Variants in FER1L6 observed in about 807,000 individuals in gnomAD.
FER1L6 encodes the protein fer-1 like family member 6, also known as fer-1-like protein 6.
FER1L6 carries 177 observed loss-of-function variants against 219.2 expected under a neutral mutation model. That is an observed-to-expected ratio of 0.81 (90% CI 0.71 to 0.91). FER1L6 has a LOEUF of 0.91. Ranked by LOEUF, FER1L6 falls within the 40% of genes least tolerant of loss-of-function variation. FER1L6 has a pLI of 0.00. For synonymous variants in FER1L6, 768 were observed against 824.3 expected, an observed-to-expected ratio of 0.93 and a Z score of 1.17; for missense variants, 2,153 against 2,259.9, an observed-to-expected ratio of 0.95 and a Z score of 0.96.
intron 1 of FER1L6, among the ~76,000 whole-genome samples, chr8:123,935,176 CTCCTT>C (rs1332876687): frequency 6.6e-6 from 1 of 152,166 alleles, no homozygotes; most frequent in Middle Eastern, 3.4e-3. Context: ...TATTTCTCCT[CTCCTT>C]TCCTTTCCAA....
intron 1 of FER1L6, among the ~76,000 whole-genome samples, chr8:123,856,266 GTGTA>G (rs1816641329): frequency 8.5e-6 from 1 of 118,200 alleles, no homozygotes; most frequent in Non-Finnish European, 1.8e-5. Context: ...ATGTATATAT[GTGTA>G]TATGTGTATA....
chr8:123,964,041 T>C (rs938121848), intron 3 of FER1L6, among the ~76,000 whole-genome samples: 1 of 152,226 alleles, frequency 6.6e-6, no homozygotes, highest in African/African-American at 2.4e-5. Context: ...TGAGACCGGC[T>C]GTTCTCTGCA....
intron 11 of FER1L6, among the ~76,000 whole-genome samples, chr8:123,981,346 G>GT (rs144234098): frequency 0.021 from 3,226 of 152,254 alleles, 74 homozygotes; most frequent in African/African-American, 0.056. Context: ...GCCCGGTTCT[G>GT]CTTATGGGAA....
At chr8:123,955,404 A>G (rs1814970478) in intron 1 of FER1L6, among the ~76,000 whole-genome samples, 1 of 152,202 alleles carries the variant, frequency 6.6e-6, no homozygotes, top group South Asian at 2.1e-4. Context: ...GTGAGACCTC[A>G]GTAAGTTCCA....
chr8:124,068,936 CTTT>C (rs528179923), intron 28 of FER1L6, among the ~76,000 whole-genome samples: 2 of 139,478 alleles, frequency 1.4e-5, no homozygotes, highest in African/African-American at 2.6e-5. Flanking sequence ...GTTACTATTT[CTTT>C]TTTTTTTTTT....
intron 1 of FER1L6, among the ~76,000 whole-genome samples, chr8:123,856,344 A>G (rs1430907853): frequency 1.5e-5 from 2 of 130,296 alleles, no homozygotes; most frequent in African/African-American, 6.3e-5. Context: ...ATATATATAT[A>G]TATATTAGGG....
chr8:123,989,778 G>A (rs554992941), intron 12 of FER1L6, among the ~76,000 whole-genome samples: 2 of 152,298 alleles, frequency 1.3e-5, no homozygotes, highest in South Asian at 2.1e-4. Context: ...ATTCCATGGT[G>A]TGTATATACC....
Position 123,902,054 on chromosome 8 carries a change from C to A in FER1L6, c.-8+49869C>A, listed in dbSNP as rs763516933. On this transcript the variant is annotated intron_variant, in intron 1 of 40. Transcript: ENST00000522917. ...AATTTTTAAATTTCCATCTTGATTTCGTTTTTGACCCAGTGCTCATTTGGG... is the reference window on the plus strand; with the variant it reads ...AATTTTTAAATTTCCATCTTGATTTAGTTTTTGACCCAGTGCTCATTTGGG... Among the ~76,000 whole-genome samples, 6 of 152,036 alleles carry A rather than the reference C, an allele frequency of 3.9e-5. No individual in the cohort carries two copies. The South Asian group carries it at 1.2e-3, about 32-fold the overall frequency.
intron 1 of FER1L6, among the ~76,000 whole-genome samples, chr8:123,938,840 G>A (rs904403171): frequency 2.6e-5 from 4 of 152,058 alleles, no homozygotes; most frequent in East Asian, 3.9e-4. Flanking sequence ...GAGCCATGGC[G>A]CCCAGCCTTT....
At chr8:123,886,557 G>C (rs944674004) in intron 1 of FER1L6, among the ~76,000 whole-genome samples, 1 of 152,210 alleles carries the variant, frequency 6.6e-6, no homozygotes, top group East Asian at 1.9e-4. Context: ...GCTTGCAGAA[G>C]TGTGAGCCTA....
At chr8:124,025,471 G>T (rs1289920931) in intron 18 of FER1L6, among the ~76,000 whole-genome samples, 1 of 152,074 alleles carries the variant, frequency 6.6e-6, no homozygotes, top group East Asian at 1.9e-4. Context: ...ATAGTTTGCT[G>T]AAGATCAGTT....
intron 1 of FER1L6, among the ~76,000 whole-genome samples, chr8:123,898,645 A>T (rs992571357): frequency 9.1e-5 from 13 of 143,012 alleles, no homozygotes; most frequent in South Asian, 4.3e-4. Context: ...ATTCCATTTT[A>T]TATATATATA....
chr8:123,923,901 C>T (rs1373525429), intron 1 of FER1L6, among the ~76,000 whole-genome samples: 1 of 149,852 alleles, frequency 6.7e-6, no homozygotes, highest in African/African-American at 2.5e-5. Flanking sequence ...GATCACGCCC[C>T]CGCGCTCCAG....
At chr8:123,939,494 C>T (rs149014297) in intron 1 of FER1L6, among the ~76,000 whole-genome samples, 1 of 152,230 alleles carries the variant, frequency 6.6e-6, no homozygotes, top group East Asian at 1.9e-4. Flanking sequence ...AGGAGCAGGA[C>T]AAGCAAGAAG....
At chr8:124,113,866 G>A (rs989974403) in intron 39 of FER1L6, among the ~76,000 whole-genome samples, 2 of 152,170 alleles carry the variant, frequency 1.3e-5, no homozygotes, top group African/African-American at 4.8e-5. Flanking sequence ...GGAGGCACAT[G>A]CTATCAGATG....
chr8:124,047,381 T>A (rs910223018), intron 21 of FER1L6, among the ~76,000 whole-genome samples: 1 of 152,220 alleles, frequency 6.6e-6, no homozygotes, highest in East Asian at 1.9e-4. Flanking sequence ...ACTAAAGGAA[T>A]GTTGTATAGG....
chr8:123,995,559 C>CT (rs961568147), intron 12 of FER1L6, among the ~76,000 whole-genome samples: 9 of 150,862 alleles, frequency 6.0e-5, no homozygotes, highest in East Asian at 3.9e-4. Context: ...TGGGTCTTCT[C>CT]TTTTTTTTTA....
chr8:124,026,998 T>C (rs1818737010), intron 18 of FER1L6, among the ~76,000 whole-genome samples: 1 of 152,174 alleles, frequency 6.6e-6, no homozygotes, highest in Admixed American at 6.6e-5. Context: ...TCTTCTAGCT[T>C]CTGGTTGGTT....
chr8:124,119,621 C>T lies in FER1L6; in HGVS notation c.5405C>T (p.Ser1802Phe). The change falls in exon 41 of 41, where the codon TCC (serine) becomes TTC (phenylalanine). Residue 1802 changes from serine (S) to phenylalanine (F), a missense_variant. Coordinates refer to ENST00000522917, the MANE Select transcript of FER1L6 (RefSeq NM_001039112.2). ...TTCCCCCTCAGCCGCCCAGACACCT[C>T]CTTTTCGTGGTTCATGAGCCCCTTT... ...PLAKPNRPDT[S>F]FSWFMSPFKC... 6.2e-6 allele frequency: 10 copies of T among 1,612,852 alleles called. No homozygotes were observed. Among genetic ancestry groups the T allele is most frequent in the Non-Finnish European group, 8.5e-6 (10 of 1,178,986 alleles).
Sources: gnomAD v4.1 joint callset for allele counts (sites outside exome capture counted in the v4.1 genomes callset) on GRCh38, gnomAD v4.1.1 for gene constraint, MANE v1.5 for transcripts, NCBI Gene and HGNC (gene_info 2026-07-23, HGNC 2026-07-21) for gene names.